The following DLG1 variants were observed in gnomAD, a reference collection of about 807,000 sequenced individuals.
DLG1 encodes the protein disks large homolog 1.
Under a neutral mutation model 123.4 loss-of-function variants are expected in DLG1, and 42 were observed. The ratio of observed to expected loss-of-function variants is 0.34; its 90% CI spans 0.27 to 0.44. DLG1 has a LOEUF of 0.44. Ranked by LOEUF, DLG1 falls within the 20% of genes least tolerant of loss-of-function variation. The probability of loss-of-function intolerance (pLI) is 1.00; values close to 1 mark genes in which losing one functional copy is unlikely to be tolerated. For missense variants in DLG1, 942 were observed against 1,082.6 expected (o/e 0.87, Z 1.82); for synonymous variants, 317 against 356.2 (o/e 0.89, Z 1.24).
intron 23 of DLG1, among the ~76,000 whole-genome samples, chr3:197,057,791 T>C (rs1482867651): frequency 6.6e-6 from 1 of 152,172 alleles, no homozygotes; most frequent in Non-Finnish European, 1.5e-5. Context: ...TCATATCCTC[T>C]TTGTCTTGCC....
intron 24 of DLG1, among the ~76,000 whole-genome samples, chr3:197,048,627 T>C (rs919185928): frequency 2.6e-5 from 4 of 152,010 alleles, no homozygotes; most frequent in Admixed American, 2.0e-4. Context: ...TCACAGAAAA[T>C]AGTGTGGACA....
chr3:197,201,150 G>A (rs923420191), intron 4 of DLG1, among the ~76,000 whole-genome samples: 5 of 152,178 alleles, frequency 3.3e-5, no homozygotes, highest in Non-Finnish European at 1.5e-5. Context: ...TTGGGAGGCC[G>A]AGGCGGGAGG....
chr3:197,180,504 C>A (rs1809645636), intron 5 of DLG1, among the ~76,000 whole-genome samples: 1 of 152,046 alleles, frequency 6.6e-6, no homozygotes, highest in Admixed American at 6.6e-5. Flanking sequence ...CACTATGAAG[C>A]CTCAAACTGA....
At chr3:197,205,951 T>C (rs934486113) in intron 4 of DLG1, among the ~76,000 whole-genome samples, 1 of 152,244 alleles carries the variant, frequency 6.6e-6, no homozygotes, top group African/African-American at 2.4e-5. Flanking sequence ...GGATTCTGTT[T>C]TCCAATTCCT....
At position 197,185,217 on chromosome 3, in the gene DLG1, T is replaced by C. The variant is rs556234889; in HGVS notation, c.483+9208A>G. Among the ~76,000 whole-genome samples, 7 of 152,342 alleles carry C rather than the reference T, an allele frequency of 4.6e-5. No individual in the cohort carries two copies. The East Asian group carries it at 1.2e-3, about 25-fold the overall frequency. On this transcript the variant is annotated intron_variant, in intron 5 of 24. Coordinates refer to ENST00000667157, the MANE Select transcript of DLG1 (RefSeq NM_001366207.1). Reference sequence around the variant, plus strand: ...TCAGCCATGGATATTTTTTCGGATGTGGACTGACAGAATCTTCCTTGTCTA... The same window carrying C: ...TCAGCCATGGATATTTTTTCGGATGCGGACTGACAGAATCTTCCTTGTCTA...
At chr3:197,114,473 G>A (rs921651702) in intron 13 of DLG1, among the ~76,000 whole-genome samples, 8 of 152,300 alleles carry the variant, frequency 5.3e-5, no homozygotes, top group African/African-American at 1.9e-4. Context: ...CTATCAACCT[G>A]TGTAATTCTA....
chr3:197,053,735 C>T lies in DLG1; in HGVS notation c.2484-2067G>A, dbSNP rs530678392. Among the ~76,000 whole-genome samples, 121 of 148,386 alleles carry T rather than the reference C, an allele frequency of 8.2e-4. No homozygotes were observed. In the Middle Eastern group the frequency reaches 0.011, roughly 13 times the overall value. ...GTTGCAGTGAGCTGAGAATGAGCCA[C>T]TGCACTCCAGCCTGGGAGACAGAGT... is the stretch of plus-strand genomic sequence containing the variant. On this transcript the variant is annotated intron_variant, in intron 23 of 24. Coordinates refer to ENST00000667157, the MANE Select transcript of DLG1 (RefSeq NM_001366207.1).
chr3:197,143,659 G>A (rs932474811), intron 6 of DLG1, among the ~76,000 whole-genome samples: 2 of 152,088 alleles, frequency 1.3e-5, no homozygotes, highest in African/African-American at 4.8e-5. Flanking sequence ...TCATGTCTTC[G>A]AATGAACTGA....
intron 4 of DLG1, among the ~76,000 whole-genome samples, chr3:197,282,331 C>G (rs909539583): frequency 6.6e-5 from 10 of 152,126 alleles, no homozygotes; most frequent in Admixed American, 3.3e-4. Context: ...TATCCTATTT[C>G]TAGGAAAGAA....
chr3:197,282,786 T>C lies in DLG1; in HGVS notation c.211A>G (p.Lys71Glu), dbSNP rs368806057. ...ACAGGTTGAATTGGTTCAGACGGCT[T>C]TGAACGATCTATACATTTTGGATTA... ...LDNPKCIDRSKPSEPIQPVNT... is the reference protein window; with the variant it reads ...LDNPKCIDRSEPSEPIQPVNT... The change falls in exon 4 of 25, where the codon AAG (lysine) becomes GAG (glutamate). Residue 71 changes from lysine to glutamate, a missense_variant. Lys to Glu is a moderately conservative substitution (Grantham distance 56). Transcript: ENST00000667157. 1.7e-5 allele frequency: 27 copies of C among 1,609,502 alleles called. No homozygotes were observed. The African/African-American group carries it at 2.3e-4, about 14-fold the overall frequency.
At chr3:197,168,769 T>C (rs940982334) in intron 5 of DLG1, among the ~76,000 whole-genome samples, 5 of 152,188 alleles carry the variant, frequency 3.3e-5, no homozygotes, top group Non-Finnish European at 5.9e-5. Flanking sequence ...CTGTTGTTGT[T>C]TTAAAAAAAA....
chr3:197,244,940 A>T (rs1305381644), intron 4 of DLG1, among the ~76,000 whole-genome samples: 1 of 152,208 alleles, frequency 6.6e-6, no homozygotes, highest in Admixed American at 6.5e-5. Context: ...TTTAGTTTCA[A>T]ACGTAGGAAT....
At chr3:197,226,821 CTCT>C (rs912343758) in intron 4 of DLG1, among the ~76,000 whole-genome samples, 1 of 152,212 alleles carries the variant, frequency 6.6e-6, no homozygotes, top group Non-Finnish European at 1.5e-5. Flanking sequence ...GATTTATCCA[CTCT>C]TTCAAATATT....
intron 22 of DLG1, among the ~76,000 whole-genome samples, 196 bp from the exon 23 acceptor site, chr3:197,060,194 T>A (rs1184979643): frequency 1.3e-5 from 2 of 152,226 alleles, no homozygotes; most frequent in African/African-American, 4.8e-5. Flanking sequence ...TAATTTGCCA[T>A]TTTCAAACAA....
At chr3:197,060,043 T>A (rs1316308867) in intron 22 of DLG1, 45 bp from the exon 23 acceptor site, 1 of 1,364,332 alleles carries the variant, frequency 7.3e-7, no homozygotes, top group South Asian at 1.2e-5. Flanking sequence ...AGCCAAATAT[T>A]CTCAATAATA....
intron 3 of DLG1, among the ~76,000 whole-genome samples, chr3:197,283,640 G>A (rs1770417516): frequency 6.6e-6 from 1 of 152,146 alleles, no homozygotes; most frequent in Non-Finnish European, 1.5e-5. Flanking sequence ...ATAACGCTTA[G>A]ATTCACCACG....
At chr3:197,268,725 T>G (rs887022586) in intron 4 of DLG1, among the ~76,000 whole-genome samples, 3 of 152,096 alleles carry the variant, frequency 2.0e-5, no homozygotes, top group African/African-American at 7.2e-5. Context: ...TAAATTAAAT[T>G]TTTTAACTTT....
rs1775165492 is a variant in DLG1 at position 197,119,620 on chromosome 3, C to T, written c.1166-90G>A. ...GAGTGATTAATGTGTAATTTATATG[C>T]ACTCCTTTATATATCAGAATTTGGT... On this transcript the variant is annotated intron_variant, in intron 11 of 24. Coordinates refer to ENST00000667157, the MANE Select transcript of DLG1 (RefSeq NM_001366207.1). 8.9e-6 allele frequency: 11 copies of T among 1,234,542 alleles called. No individual in the cohort carries two copies. In the East Asian group the frequency reaches 9.8e-5, roughly 11 times the overall value. 76.5% of individuals were successfully genotyped at this position (1,234,542 alleles called of 1,614,324 possible). A position where few individuals can be genotyped will look rare whatever the true frequency, so the allele number is the denominator to read the frequency against.
At chr3:197,149,365 T>C (rs1177389505) in intron 6 of DLG1, among the ~76,000 whole-genome samples, 1 of 152,166 alleles carries the variant, frequency 6.6e-6, no homozygotes, top group Non-Finnish European at 1.5e-5. Flanking sequence ...ATTATTTTCG[T>C]ATATATGAAT....
Sources: gnomAD v4.1 joint callset for allele counts (sites outside exome capture counted in the v4.1 genomes callset) on GRCh38, gnomAD v4.1.1 for gene constraint, MANE v1.5 for transcripts, NCBI Gene and HGNC (gene_info 2026-07-23, HGNC 2026-07-21) for gene names.